ASIC2: variants seen among roughly 807,000 people sequenced by gnomAD.
ASIC2 encodes acid sensing ion channel subunit 2, also known as acid-sensing ion channel 2.
ASIC2 carries 25 observed loss-of-function variants against 57.3 expected under a neutral mutation model. That is an observed-to-expected ratio of 0.44 (90% CI 0.32 to 0.61). ASIC2 has a LOEUF of 0.61. ASIC2 is among the 20% of genes least tolerant of loss of function. The pLI is 0.06. For missense variants in ASIC2, 641 were observed against 738.1 expected, an observed-to-expected ratio of 0.87 and a Z score of 1.52; for synonymous variants, 319 against 307.5, an observed-to-expected ratio of 1.04 and a Z score of -0.39.
chr17:33,017,573 G>T (rs747231354), intron 8 of ASIC2, 32 bp downstream of exon 8: 4 of 1,585,826 alleles, frequency 2.5e-6, no homozygotes, highest in Middle Eastern at 1.7e-4. Flanking sequence ...CCAGCATGCG[G>T]TCATTTCCCT....
chr17:33,293,097 G>A lies in ASIC2; in HGVS notation c.-982C>T, dbSNP rs1905572789. The stretch of plus-strand genomic sequence containing the variant: ...GGACCCGCCAACACCTCCCGGGGGT[G>A]ACCCGGACTCGCTGCTCCGCGCGCC... On this transcript the variant is annotated 5_prime_UTR_variant, in exon 1 of 10. Coordinates refer to ENST00000225823, the MANE Select transcript of ASIC2 (RefSeq NM_183377.2). 1 of 939,038 alleles carries A rather than the reference G, an allele frequency of 1.1e-6. No homozygotes were observed. The highest frequency in any genetic ancestry group is 1.8e-5 in the African/African-American group (1 of 56,258). 58.2% of individuals were successfully genotyped at this position (939,038 alleles called of 1,614,324 possible).
chr17:33,328,558 G>C (rs1225340204), intron 1 of ASIC2, among the ~76,000 whole-genome samples: 3 of 151,994 alleles, frequency 2.0e-5, no homozygotes, highest in African/African-American at 7.3e-5. Flanking sequence ...TGGTGACCAC[G>C]TTTCTGTGAT....
At chr17:33,299,818 G>A (rs1279905764) in intron 1 of ASIC2, among the ~76,000 whole-genome samples, 2 of 152,194 alleles carry the variant, frequency 1.3e-5, no homozygotes, top group Non-Finnish European at 2.9e-5. Context: ...TGGCTGAAGC[G>A]TTGTGGTCCC....
At chr17:33,471,615 T>A (rs1913052952) in intron 1 of ASIC2, among the ~76,000 whole-genome samples, 1 of 152,176 alleles carries the variant, frequency 6.6e-6, no homozygotes, top group Admixed American at 6.5e-5. Context: ...TAATCATTTT[T>A]GGCTACTGGA....
chr17:33,228,570 G>C (rs1033063362), intron 1 of ASIC2, among the ~76,000 whole-genome samples: 1 of 152,254 alleles, frequency 6.6e-6, no homozygotes, highest in African/African-American at 2.4e-5. Context: ...TCATGAGTGT[G>C]TAGCACCCAC....
rs955147371 is a variant in ASIC2 at position 33,300,666 on chromosome 17, T to C, written c.556-188599A>G. On this transcript the variant is annotated intron_variant, in intron 1 of 9. Coordinates refer to the ASIC2 transcript ENST00000359872. Reference sequence around the variant, plus strand: ...TTATAACACACGCAATTGAATGTCCTAAGCACACAGCTCTTCTTGGTCTAG... The same window carrying C: ...TTATAACACACGCAATTGAATGTCCCAAGCACACAGCTCTTCTTGGTCTAG... Among the ~76,000 whole-genome samples, 10 of 152,250 alleles carry C rather than the reference T, an allele frequency of 6.6e-5. No individual in the cohort carries two copies. In the East Asian group the frequency reaches 1.9e-3, roughly 29 times the overall value.
rs139291595 is a variant in ASIC2 at position 33,198,691 on chromosome 17, G to T, written c.709-86624C>A. Among the ~76,000 whole-genome samples, 19 of 152,338 alleles carry T rather than the reference G, an allele frequency of 1.2e-4. No individual in the cohort carries two copies. The East Asian group carries it at 3.7e-3, about 29-fold the overall frequency. ...GAGCTCTCCACCCTGGGGAAAAAAA[G>T]GACTCATTCCCTGTGTGGCTAAAGC... On this transcript the variant is annotated intron_variant, in intron 1 of 9. Coordinates refer to ENST00000225823, the MANE Select transcript of ASIC2 (RefSeq NM_183377.2).
chr17:33,372,460 T>A (rs1023591306), intron 1 of ASIC2, among the ~76,000 whole-genome samples: 3 of 152,048 alleles, frequency 2.0e-5, no homozygotes, highest in African/African-American at 7.2e-5. Flanking sequence ...AAGAAAGGGT[T>A]TAGGGGCATG....
At chr17:33,850,594 G>C (rs1005432072) in intron 1 of ASIC2, among the ~76,000 whole-genome samples, 1 of 152,130 alleles carries the variant, frequency 6.6e-6, no homozygotes, top group Non-Finnish European at 1.5e-5. Context: ...GTTGAGTTTT[G>C]CTGGGGGAGG....
At chr17:34,018,747 T>G (rs892139651) in intron 1 of ASIC2, among the ~76,000 whole-genome samples, 36 of 152,190 alleles carry the variant, frequency 2.4e-4, no homozygotes, top group African/African-American at 2.4e-5. Flanking sequence ...AGAACTACAT[T>G]TAGAAGTGGA....
chr17:33,614,306 C>G (rs934005745), intron 1 of ASIC2, among the ~76,000 whole-genome samples: 1 of 152,198 alleles, frequency 6.6e-6, no homozygotes, highest in Non-Finnish European at 1.5e-5. Flanking sequence ...TCAGACGGAG[C>G]TGTACCCCGT....
intron 1 of ASIC2, among the ~76,000 whole-genome samples, chr17:34,030,849 A>C (rs1907579856): frequency 6.6e-6 from 1 of 152,258 alleles, no homozygotes; most frequent in South Asian, 2.1e-4. Context: ...TGATTAGGTA[A>C]ACAAAGAGGC....
chr17:33,547,938 G>T (rs567938252), intron 1 of ASIC2, among the ~76,000 whole-genome samples: 56 of 152,310 alleles, frequency 3.7e-4, no homozygotes, highest in African/African-American at 1.2e-3. Context: ...AGGACAAGAG[G>T]AATGACAGAT....
At chr17:33,975,363 C>T (rs112829124) in intron 1 of ASIC2, among the ~76,000 whole-genome samples, 2,196 of 152,136 alleles carry the variant, frequency 0.014, 21 homozygotes, top group Non-Finnish European at 0.02. Flanking sequence ...CAATCTTCGC[C>T]CTCTATCTTC....
At chr17:33,236,354 AT>A (rs112621202) in intron 1 of ASIC2, among the ~76,000 whole-genome samples, 1 of 149,976 alleles carries the variant, frequency 6.7e-6, no homozygotes, top group South Asian at 2.1e-4. Flanking sequence ...TTATTTATTT[AT>A]TTTTTTTGGA....
At chr17:33,865,293 T>C (rs776381449) in intron 1 of ASIC2, among the ~76,000 whole-genome samples, 19 of 152,364 alleles carry the variant, frequency 1.2e-4, no homozygotes, top group South Asian at 6.2e-4. Context: ...TCCATTTCCA[T>C]TGGGCGGATC....
At position 33,082,496 on chromosome 17, in the gene ASIC2, C is replaced by T. The variant is rs534585683; in HGVS notation, c.987+6367G>A. 5.3e-4 allele frequency among the ~76,000 whole-genome samples: 81 copies of T among 152,050 alleles called. 1 individual carries two copies. The highest frequency in any genetic ancestry group is 1.7e-3 in the African/African-American group (72 of 41,470). On this transcript the variant is annotated intron_variant, in intron 3 of 9. Coordinates refer to ENST00000225823, the MANE Select transcript of ASIC2 (RefSeq NM_183377.2). ...GGTGGATCACTTGAGGCCAGGAGTTCGAGACCAGTCTGGTCAAAGTGGTGA... is the reference window on the plus strand; with the variant it reads ...GGTGGATCACTTGAGGCCAGGAGTTTGAGACCAGTCTGGTCAAAGTGGTGA...
chr17:33,155,664 A>G (rs528537712), intron 1 of ASIC2, among the ~76,000 whole-genome samples: 1 of 150,920 alleles, frequency 6.6e-6, no homozygotes. Context: ...GGTTCAAGCA[A>G]TTCTCCTGCC....
intron 1 of ASIC2, among the ~76,000 whole-genome samples, chr17:34,120,722 C>CTTTTTTTTTTTTTTTTTTTTTT (rs142959293): frequency 4.2e-5 from 4 of 94,626 alleles, no homozygotes; most frequent in South Asian, 4.0e-4. Context: ...TGGGGTCCTT[C>CTTTTTTTTTTTTTTTTTTTTTT]TTTTTTTTTT....
Sources: gnomAD v4.1 joint callset for allele counts (sites outside exome capture counted in the v4.1 genomes callset) on GRCh38, gnomAD v4.1.1 for gene constraint, MANE v1.5 for transcripts, NCBI Gene and HGNC (gene_info 2026-07-23, HGNC 2026-07-21) for gene names.